The following COL14A1 variants were observed in gnomAD, a reference collection of about 807,000 sequenced individuals.
COL14A1 encodes the protein collagen type XIV alpha 1 chain.
COL14A1 carries 136 observed loss-of-function variants against 230.3 expected under a neutral mutation model. The ratio of observed to expected loss-of-function variants is 0.59; its 90% CI spans 0.51 to 0.68. The LOEUF is 0.68. COL14A1 is among the 30% of genes least tolerant of loss of function. COL14A1 has a pLI of 0.00. For synonymous variants in COL14A1, 792 were observed against 784.1 expected, an observed-to-expected ratio of 1.01 and a Z score of -0.17; for missense variants, 1,976 against 2,215.8, an observed-to-expected ratio of 0.89 and a Z score of 2.17.
chr8:120,241,113 C>A (rs1303270731), intron 19 of COL14A1, among the ~76,000 whole-genome samples: 1 of 152,218 alleles, frequency 6.6e-6, no homozygotes, highest in African/African-American at 2.4e-5. Context: ...GTGACTCAGT[C>A]TCCTACATGA....
At chr8:120,221,953 T>C (rs1474208508) in intron 14 of COL14A1, among the ~76,000 whole-genome samples, 1 of 151,964 alleles carries the variant, frequency 6.6e-6, no homozygotes, top group East Asian at 1.9e-4. Flanking sequence ...AATATGTAAC[T>C]AGAGGTTAGG....
At chr8:120,304,179 T>A (rs1820794172) in intron 36 of COL14A1, among the ~76,000 whole-genome samples, 1 of 152,166 alleles carries the variant, frequency 6.6e-6, no homozygotes, top group Non-Finnish European at 1.5e-5. Flanking sequence ...ATTAATTTTT[T>A]CAAAAAACTA....
At chr8:120,229,435 A>T (rs1316907104) in intron 18 of COL14A1, among the ~76,000 whole-genome samples, 1 of 152,184 alleles carries the variant, frequency 6.6e-6, no homozygotes, top group South Asian at 2.1e-4. Flanking sequence ...TACAAAGGAC[A>T]TGAACTCATC....
At chr8:120,360,845 G>A (rs1823178342) in intron 45 of COL14A1, among the ~76,000 whole-genome samples, 1 of 152,118 alleles carries the variant, frequency 6.6e-6, no homozygotes. Flanking sequence ...GTGGTGCTAG[G>A]TGTCCAGACC....
chr8:120,198,923 T>C (rs1817135140), intron 7 of COL14A1, among the ~76,000 whole-genome samples: 1 of 152,232 alleles, frequency 6.6e-6, no homozygotes, highest in Non-Finnish European at 1.5e-5. Context: ...TATTTTTTTC[T>C]GGATGGAAAG....
At chr8:120,219,359 C>T (rs1817858657) in intron 14 of COL14A1, among the ~76,000 whole-genome samples, 1 of 152,196 alleles carries the variant, frequency 6.6e-6, no homozygotes, top group Admixed American at 6.5e-5. Flanking sequence ...CTGCCTTGGC[C>T]TCCCAAAGTG....
intron 36 of COL14A1, among the ~76,000 whole-genome samples, chr8:120,309,018 T>A (rs1241835384): frequency 6.6e-6 from 1 of 152,156 alleles, no homozygotes; most frequent in Non-Finnish European, 1.5e-5. Context: ...CACTGCAAGG[T>A]CCGCCTCCCA....
intron 45 of COL14A1, among the ~76,000 whole-genome samples, chr8:120,362,915 G>T (rs1457258691): frequency 2.4e-4 from 36 of 152,156 alleles, no homozygotes; most frequent in Admixed American, 2.4e-3. Flanking sequence ...TGCTAAGTTA[G>T]ATCTAATTTA....
chr8:120,241,778 A>G (rs1055163355), intron 19 of COL14A1, among the ~76,000 whole-genome samples: 2 of 152,070 alleles, frequency 1.3e-5, no homozygotes, highest in African/African-American at 4.8e-5. Context: ...CCCAGACAAG[A>G]TTCTTGGGGT....
chr8:120,284,437 A>G (rs1357606541), intron 32 of COL14A1, among the ~76,000 whole-genome samples: 1 of 152,194 alleles, frequency 6.6e-6, no homozygotes, highest in Non-Finnish European at 1.5e-5. Flanking sequence ...GTACATGATG[A>G]TCACTTAAGC....
intron 24 of COL14A1, among the ~76,000 whole-genome samples, chr8:120,264,898 T>G (rs1819458910): frequency 6.6e-6 from 1 of 152,160 alleles, no homozygotes; most frequent in Non-Finnish European, 1.5e-5. Context: ...CTACTTTAGC[T>G]TCTCCTATCC....
chr8:120,180,835 G>A (rs1380802104), intron 5 of COL14A1, among the ~76,000 whole-genome samples: 1 of 150,628 alleles, frequency 6.6e-6, no homozygotes, highest in Non-Finnish European at 1.5e-5. Context: ...AGCCTCCTGA[G>A]TAGCTGGGAC....
intron 12 of COL14A1, among the ~76,000 whole-genome samples, chr8:120,211,398 T>G (rs932784902): frequency 2.0e-5 from 3 of 152,146 alleles, no homozygotes; most frequent in African/African-American, 7.2e-5. Context: ...GCAAAAAGAT[T>G]GTGTTGATAT....
chr8:120,285,650 C>A (rs1820170398), intron 32 of COL14A1, among the ~76,000 whole-genome samples: 1 of 152,050 alleles, frequency 6.6e-6, no homozygotes, highest in Non-Finnish European at 1.5e-5. Context: ...GTCTTTGCCT[C>A]ACTGTCATCA....
intron 1 of COL14A1, among the ~76,000 whole-genome samples, chr8:120,131,200 G>T (rs923719294): frequency 6.6e-6 from 1 of 152,076 alleles, no homozygotes; most frequent in African/African-American, 2.4e-5. Flanking sequence ...GTGTCTTTTT[G>T]GTAGAATTAT....
chr8:120,194,985 T>C (rs1816979059), intron 5 of COL14A1, among the ~76,000 whole-genome samples: 1 of 152,226 alleles, frequency 6.6e-6, no homozygotes, highest in Admixed American at 6.5e-5. Flanking sequence ...CTGATGGCTC[T>C]GTATTTGGTG....
intron 42 of COL14A1, among the ~76,000 whole-genome samples, chr8:120,336,407 CT>C (rs1822073682): frequency 6.6e-6 from 1 of 152,148 alleles, no homozygotes; most frequent in African/African-American, 2.4e-5. Context: ...CAGAGCACCC[CT>C]GTCTCTGTAC....
chr8:120,242,170 G>C (rs748358523), intron 19 of COL14A1, among the ~76,000 whole-genome samples: 2 of 152,124 alleles, frequency 1.3e-5, no homozygotes, highest in Non-Finnish European at 2.9e-5. Context: ...AAATATTCCT[G>C]AATCTAACAA....
At position 120,341,177 on chromosome 8, in the gene COL14A1, G is replaced by A. The variant is rs1563390; in HGVS notation, c.4786-148G>A. The A allele has an allele frequency of 0.42, 315,030 of 756,304 alleles. 66,858 individuals are homozygous for A. Among genetic ancestry groups the A allele is most frequent in the African/African-American group, 0.52 (30,166 of 57,506 alleles). 46.8% of individuals were successfully genotyped at this position (756,304 alleles called of 1,614,324 possible). A position where few individuals can be genotyped will look rare whatever the true frequency, so the allele number is the denominator to read the frequency against. ...ATGTTTGGTGTGCGTACTGGTTGCTGTTTATTTTCTGTTGTTGTGTAATGA... is the reference window on the plus strand; with the variant it reads ...ATGTTTGGTGTGCGTACTGGTTGCTATTTATTTTCTGTTGTTGTGTAATGA... On this transcript the variant is annotated intron_variant, in intron 42 of 47. Transcript: ENST00000297848.
Sources: allele counts gnomAD v4.1 joint callset (sites outside exome capture counted in the v4.1 genomes callset), GRCh38; gene constraint gnomAD v4.1.1; transcripts MANE v1.5; gene names NCBI Gene and HGNC (gene_info 2026-07-23, HGNC 2026-07-21).